The following CCDC90B variants were observed in gnomAD, a reference collection of about 807,000 sequenced individuals.
The protein encoded by CCDC90B is coiled-coil domain containing 90B, also known as coiled-coil domain-containing protein 90B, mitochondrial.
CCDC90B carries 24 observed loss-of-function variants against 37.0 expected under a neutral mutation model. The ratio of observed to expected loss-of-function variants is 0.65; its 90% CI spans 0.47 to 0.91. The LOEUF (loss-of-function observed/expected upper bound fraction) is 0.91, where lower values mean the gene tolerates loss of function less well. CCDC90B is among the 40% of genes least tolerant of loss of function. CCDC90B has a pLI of 0.00. For missense variants in CCDC90B, 319 were observed against 299.0 expected (o/e 1.07, Z -0.49); for synonymous variants, 113 against 101.1 (o/e 1.12, Z -0.71).
At chr11:83,281,543 C>T (rs1865383509) in intron 1 of CCDC90B, among the ~76,000 whole-genome samples, 3 of 151,954 alleles carry the variant, frequency 2.0e-5, no homozygotes, top group Non-Finnish European at 2.9e-5. Flanking sequence ...AAAGGTGGAG[C>T]AATTTTTAAA....
At chr11:83,281,342 G>A (rs1403671960) in intron 1 of CCDC90B, among the ~76,000 whole-genome samples, 1 of 152,094 alleles carries the variant, frequency 6.6e-6, no homozygotes, top group Admixed American at 6.5e-5. Context: ...CCAGGCATAG[G>A]GGATAAAATC....
chr11:83,263,031 C>T (rs1007064946), intron 8 of CCDC90B, among the ~76,000 whole-genome samples: 1 of 152,066 alleles, frequency 6.6e-6, no homozygotes, highest in Admixed American at 6.6e-5. Flanking sequence ...CCAGTTACAT[C>T]GCTAGCAAAC....
rs780813556 is a variant in CCDC90B at position 83,286,009 on chromosome 11, C to A, written c.-37G>T. 4 of 1,582,112 alleles carry A rather than the reference C, an allele frequency of 2.5e-6. No individual in the cohort carries two copies. The highest frequency in any genetic ancestry group is 1.8e-5 in the Admixed American group (1 of 55,800). ...TTTCCGGTGGGAGGGAGGCGGAAGACGGGGTAAATCTCGCACAGGCTTTCG... is the reference window on the plus strand; with the variant it reads ...TTTCCGGTGGGAGGGAGGCGGAAGAAGGGGTAAATCTCGCACAGGCTTTCG... On this transcript the variant is annotated 5_prime_UTR_variant, in exon 1 of 9. Transcript: ENST00000529689.
chr11:83,263,375 T>C (rs552077936), intron 8 of CCDC90B, among the ~76,000 whole-genome samples: 1 of 152,326 alleles, frequency 6.6e-6, no homozygotes, highest in South Asian at 2.1e-4. Flanking sequence ...CTCATGGCTG[T>C]TGTTGCAGTA....
At chr11:83,279,918 C>T (rs564966681) in intron 2 of CCDC90B, among the ~76,000 whole-genome samples, 74 of 152,110 alleles carry the variant, frequency 4.9e-4, no homozygotes, top group African/African-American at 1.7e-3. Context: ...TAATTCTGCA[C>T]ATATTATTTC....
At chr11:83,273,458 G>A (rs1018177773) in intron 7 of CCDC90B, 189 bp downstream of exon 7, 2 of 425,304 alleles carry the variant, frequency 4.7e-6, no homozygotes, top group Non-Finnish European at 8.4e-6. Context: ...CAAGGTCATG[G>A]CTCATGGGCG....
rs561091446 is a variant in CCDC90B at position 83,259,733 on chromosome 11, T to A, written c.*2178A>T. On this transcript the variant is annotated 3_prime_UTR_variant, in exon 9 of 9. Coordinates refer to ENST00000529689, the MANE Select transcript of CCDC90B (RefSeq NM_021825.5). ...TGACTATTTATAGGTATGATCATGG[T>A]ACACTTTAGCCTTGATGAACTCCTT... 1 of 152,350 alleles carries A rather than the reference T, an allele frequency of 6.6e-6. No individual in the cohort carries two copies. Among genetic ancestry groups the A allele is most frequent in the East Asian group, 1.9e-4 (1 of 5,182 alleles). The allele number at this position is 152,350 out of a possible 1,614,324, so 9.4% of individuals were successfully genotyped here. A position where few individuals can be genotyped will look rare whatever the true frequency, so the allele number is the denominator to read the frequency against.
At chr11:83,282,788 T>C (rs1865466196) in intron 1 of CCDC90B, among the ~76,000 whole-genome samples, 1 of 152,208 alleles carries the variant, frequency 6.6e-6, no homozygotes. Flanking sequence ...TGGTTTTTCA[T>C]AGTACTGCAC....
At chr11:83,268,562 C>T (rs1304469505) in intron 7 of CCDC90B, among the ~76,000 whole-genome samples, 6 of 152,264 alleles carry the variant, frequency 3.9e-5, no homozygotes, top group African/African-American at 1.2e-4. Context: ...AGCTAATTAT[C>T]CTAAATATAT....
intron 3 of CCDC90B, among the ~76,000 whole-genome samples, chr11:83,275,774 G>A (rs1218163722): frequency 2.6e-5 from 4 of 152,176 alleles, no homozygotes; most frequent in African/African-American, 9.7e-5. Context: ...CCCAAACTCT[G>A]CCATTTACTG....
chr11:83,265,776 C>CT (rs1864222928), intron 8 of CCDC90B, 89 bp downstream of exon 8: 4 of 773,368 alleles, frequency 5.2e-6, no homozygotes, highest in East Asian at 5.2e-5. Flanking sequence ...CTAGCTCCTC[C>CT]TTTTTTTCCT....
intron 8 of CCDC90B, among the ~76,000 whole-genome samples, chr11:83,264,732 G>C (rs984144099): frequency 6.6e-5 from 10 of 152,092 alleles, no homozygotes; most frequent in Non-Finnish European, 1.3e-4. Flanking sequence ...TGATAGACTG[G>C]ATTAAGAAAA....
intron 7 of CCDC90B, among the ~76,000 whole-genome samples, chr11:83,270,084 G>A (rs1192630755): frequency 2.6e-5 from 4 of 152,022 alleles, no homozygotes; most frequent in Non-Finnish European, 5.9e-5. Context: ...TGCAGAAAAG[G>A]GCTTCAACAA....
intron 8 of CCDC90B, among the ~76,000 whole-genome samples, 195 bp downstream of exon 8, chr11:83,265,670 A>AT (rs1388270525): frequency 1.3e-5 from 2 of 152,182 alleles, no homozygotes; most frequent in Admixed American, 1.3e-4. Context: ...AATTATAAGT[A>AT]TTAAAAATAA....
intron 7 of CCDC90B, among the ~76,000 whole-genome samples, chr11:83,266,283 G>A (rs891830320): frequency 6.6e-6 from 1 of 152,194 alleles, no homozygotes; most frequent in African/African-American, 2.4e-5. Context: ...CACGGAGGGT[G>A]AGCTGAAGCA....
chr11:83,270,168 G>C (rs565082426), intron 7 of CCDC90B, among the ~76,000 whole-genome samples: 2 of 152,202 alleles, frequency 1.3e-5, no homozygotes, highest in South Asian at 4.2e-4. Flanking sequence ...AACAATAAGA[G>C]CTATTTATGA....
intron 7 of CCDC90B, among the ~76,000 whole-genome samples, chr11:83,270,375 A>T (rs1864581028): frequency 6.6e-6 from 1 of 152,230 alleles, no homozygotes; most frequent in South Asian, 2.1e-4. Flanking sequence ...CTGTTTGCAG[A>T]TGACATGATT....
intron 7 of CCDC90B, chr11:83,273,407 G>C: frequency 3.2e-6 from 1 of 314,978 alleles, no homozygotes; most frequent in Non-Finnish European, 5.8e-6. Flanking sequence ...AAGTAATTTA[G>C]TTTAAAAAAG....
At chr11:83,266,108 A>G in intron 7 of CCDC90B, 129 bp from the exon 8 acceptor site, 1 of 558,126 alleles carries the variant, frequency 1.8e-6, no homozygotes. Flanking sequence ...AAACATTAAA[A>G]GCATAGTGGT....
Sources: allele counts gnomAD v4.1 joint callset (sites outside exome capture counted in the v4.1 genomes callset), GRCh38; gene constraint gnomAD v4.1.1; transcripts MANE v1.5; gene names NCBI Gene and HGNC (gene_info 2026-07-23, HGNC 2026-07-21).